GPC6: variants seen among roughly 807,000 people sequenced by gnomAD.
GPC6 encodes the protein glypican 6.
GPC6 carries 14 observed loss-of-function variants against 55.2 expected under a neutral mutation model. The observed-to-expected ratio is 0.25, with a 90% CI of 0.17 to 0.40. The LOEUF (loss-of-function observed/expected upper bound fraction) is 0.40, where lower values mean the gene tolerates loss of function less well. GPC6 is among the 10% of genes least tolerant of loss of function. The pLI is 1.00. For missense variants in GPC6, 641 were observed against 708.5 expected (o/e 0.90, Z 1.08); for synonymous variants, 278 against 259.6 (o/e 1.07, Z -0.68).
intron 2 of GPC6, among the ~76,000 whole-genome samples, chr13:93,682,450 G>T (rs1258694933): frequency 6.6e-6 from 1 of 152,102 alleles, no homozygotes; most frequent in East Asian, 1.9e-4. Flanking sequence ...GCTGTCAGGG[G>T]TTTGAGCTTT....
At chr13:93,901,513 T>A (rs1244492554) in intron 3 of GPC6, among the ~76,000 whole-genome samples, 1 of 152,166 alleles carries the variant, frequency 6.6e-6, no homozygotes, top group Non-Finnish European at 1.5e-5. Flanking sequence ...CTGATTTTGT[T>A]CTGAAACCAA....
chr13:93,400,756 A>G (rs1410175189), intron 1 of GPC6, among the ~76,000 whole-genome samples: 1 of 152,208 alleles, frequency 6.6e-6, no homozygotes, highest in Non-Finnish European at 1.5e-5. Flanking sequence ...TTAAAAACTA[A>G]AGAAAGAAAT....
intron 1 of GPC6, among the ~76,000 whole-genome samples, chr13:93,427,742 G>C (rs778936319): frequency 1.3e-5 from 2 of 152,040 alleles, no homozygotes; most frequent in Non-Finnish European, 2.9e-5. Flanking sequence ...CCAGCCCCTA[G>C]CACAGCAATA....
At chr13:93,219,249 A>T in the GPC6 span, among the ~76,000 whole-genome samples, 1 of 151,776 alleles carries the variant, frequency 6.6e-6, no homozygotes, top group African/African-American at 2.4e-5. Context: ...TCATACCACC[A>T]CGCCCAGCTA....
At position 93,576,516 on chromosome 13, in the gene GPC6, T is replaced by A. The variant is rs376703389; in HGVS notation, c.319+31095T>A. On this transcript the variant is annotated intron_variant, in intron 2 of 8. Transcript: ENST00000377047. Reference sequence around the variant, plus strand: ...TGGTGATATCTTCCTATGACACAGGTTTTTTAATATTTTTATGCATAAAAT... The same window carrying A: ...TGGTGATATCTTCCTATGACACAGGATTTTTAATATTTTTATGCATAAAAT... Among the ~76,000 whole-genome samples the A allele has an allele frequency of 3.2e-3, 486 of 152,180 alleles. 3 individuals carry two copies. The highest frequency in any genetic ancestry group is 0.011 in the African/African-American group (447 of 41,546).
intron 2 of GPC6, among the ~76,000 whole-genome samples, chr13:93,710,099 C>A (rs1883001737): frequency 6.6e-6 from 1 of 151,646 alleles, no homozygotes; most frequent in South Asian, 2.1e-4. Context: ...ATAGAGTATT[C>A]TAGGAAACAA....
intron 4 of GPC6, among the ~76,000 whole-genome samples, chr13:94,150,661 A>G (rs1272915579): frequency 6.6e-6 from 1 of 151,354 alleles, no homozygotes; most frequent in African/African-American, 2.4e-5. Context: ...TTTGATATCC[A>G]CGCTCCTAAT....
intron 2 of GPC6, among the ~76,000 whole-genome samples, chr13:93,637,595 A>G (rs1879751076): frequency 6.6e-6 from 1 of 152,172 alleles, no homozygotes; most frequent in Non-Finnish European, 1.5e-5. Flanking sequence ...ACAGCCTCAG[A>G]ACTTTCCTAT....
intron 1 of GPC6, among the ~76,000 whole-genome samples, chr13:93,378,357 C>T (rs544594151): frequency 6.0e-4 from 91 of 152,302 alleles, no homozygotes; most frequent in African/African-American, 2.0e-3. Context: ...TCTATGACAA[C>T]ATGATGCCGC....
At chr13:93,883,317 A>G (rs1875109444) in intron 3 of GPC6, among the ~76,000 whole-genome samples, 1 of 151,874 alleles carries the variant, frequency 6.6e-6, no homozygotes, top group Non-Finnish European at 1.5e-5. Context: ...ACATCACCAA[A>G]TTGCCCTGCA....
intron 1 of GPC6, among the ~76,000 whole-genome samples, chr13:93,271,984 A>C (rs1042070965): frequency 3.3e-5 from 5 of 152,084 alleles, no homozygotes; most frequent in Non-Finnish European, 7.4e-5. Context: ...TTACATCTTA[A>C]GTTTTATAGA....
At chr13:94,321,776 A>G (rs954415198) in intron 6 of GPC6, among the ~76,000 whole-genome samples, 26 of 152,320 alleles carry the variant, frequency 1.7e-4, no homozygotes, top group African/African-American at 6.3e-4. Flanking sequence ...CAGCAGCCCC[A>G]GAGCTCCCCA....
At chr13:94,016,647 T>C (rs1882476378) in intron 3 of GPC6, among the ~76,000 whole-genome samples, 1 of 152,216 alleles carries the variant, frequency 6.6e-6, no homozygotes, top group Non-Finnish European at 1.5e-5. Flanking sequence ...GGTGAATCTA[T>C]AAATTGCTTT....
chr13:93,743,708 C>G (rs542988860), intron 2 of GPC6, among the ~76,000 whole-genome samples: 4 of 151,724 alleles, frequency 2.6e-5, no homozygotes. Context: ...TTTTATTTTC[C>G]TTTCTAACAG....
chr13:93,803,806 A>G (rs1038616537), intron 2 of GPC6, among the ~76,000 whole-genome samples: 3 of 152,202 alleles, frequency 2.0e-5, no homozygotes, highest in Admixed American at 1.3e-4. Flanking sequence ...CAAAATCATT[A>G]TGCTAAGGGC....
chr13:93,607,758 G>A (rs1405730734), intron 2 of GPC6, among the ~76,000 whole-genome samples: 1 of 152,084 alleles, frequency 6.6e-6, no homozygotes. Flanking sequence ...GCCCTGTGTG[G>A]CTTCAAACTT....
intron 1 of GPC6, among the ~76,000 whole-genome samples, chr13:93,440,827 A>G (rs1223291670): frequency 6.6e-6 from 1 of 151,900 alleles, no homozygotes; most frequent in Non-Finnish European, 1.5e-5. Flanking sequence ...TATATCTCCT[A>G]ATGCTATCCC....
chr13:93,268,794 CCTTCCACT>C (rs1372196546), intron 1 of GPC6, among the ~76,000 whole-genome samples: 7 of 152,060 alleles, frequency 4.6e-5, no homozygotes. Context: ...CATTGCTCAA[CCTTCCACT>C]CCCAATCTGC....
intron 4 of GPC6, among the ~76,000 whole-genome samples, chr13:94,264,833 A>G (rs757719408): frequency 3.3e-5 from 5 of 152,248 alleles, no homozygotes; most frequent in Non-Finnish European, 5.9e-5. Flanking sequence ...ATGGCTGGAG[A>G]GACCTCATAA....
Sources: gnomAD v4.1 joint callset for allele counts (sites outside exome capture counted in the v4.1 genomes callset) on GRCh38, gnomAD v4.1.1 for gene constraint, MANE v1.5 for transcripts, NCBI Gene and HGNC (gene_info 2026-07-23, HGNC 2026-07-21) for gene names.